KAT6A: variants seen among roughly 807,000 people sequenced by gnomAD.
The protein encoded by KAT6A is histone acetyltransferase KAT6A.
KAT6A carries 9 observed loss-of-function variants against 198.4 expected under a neutral mutation model. The ratio of observed to expected loss-of-function variants is 0.05; its 90% CI spans 0.03 to 0.08. The LOEUF (loss-of-function observed/expected upper bound fraction) is 0.08. Among genes scored for constraint, KAT6A ranks in the 10% least tolerant of loss-of-function variants. The probability of loss-of-function intolerance (pLI) is 1.00; values close to 1 mark genes in which losing one functional copy is unlikely to be tolerated. For synonymous variants in KAT6A, 890 were observed against 883.0 expected, an observed-to-expected ratio of 1.01 and a Z score of -0.14; for missense variants, 2,077 against 2,509.9, an observed-to-expected ratio of 0.83 and a Z score of 3.69.
chr8:42,022,040 C>T (rs145004468), intron 2 of KAT6A, among the ~76,000 whole-genome samples: 49 of 152,270 alleles, frequency 3.2e-4, no homozygotes, highest in African/African-American at 1.2e-3. Flanking sequence ...ATGACTCTAC[C>T]AGCATCTACA....
chr8:41,986,781 T>C (rs959630082), intron 3 of KAT6A, among the ~76,000 whole-genome samples: 17 of 152,160 alleles, frequency 1.1e-4, no homozygotes, highest in African/African-American at 3.9e-4. Flanking sequence ...CTCACATCTG[T>C]AATATCAGCA....
intron 2 of KAT6A, among the ~76,000 whole-genome samples, chr8:41,988,750 C>G (rs907128570): frequency 6.6e-6 from 1 of 152,172 alleles, no homozygotes; most frequent in African/African-American, 2.4e-5. Context: ...CTGTGCACAG[C>G]AAGTCATTTT....
In KAT6A at chr8:41,932,227, T is replaced by C. The variant is rs778809488; in HGVS notation, c.5993A>G (p.Asn1998Ser). ...TGCTCATCTTCTCATGTAAGGTCCG[T>C]TGAGTGACTGCTTGGGCACGCCAGC... ...NAAGVPKQSL[N>S]GPYMRR Residue 1998 changes from asparagine to serine, a missense_variant, in exon 17 of 17, where the codon AAC becomes AGC. Asn to Ser is a conservative substitution (Grantham distance 46). Coordinates refer to ENST00000265713, the MANE Select transcript of KAT6A (RefSeq NM_006766.5). The C allele has an allele frequency of 2.9e-5, 46 of 1,607,592 alleles. No homozygotes were observed. Among genetic ancestry groups the C allele is most frequent in the Non-Finnish European group, 3.7e-5 (44 of 1,176,626 alleles).
At chr8:41,961,095 T>G (rs1437924559) in intron 8 of KAT6A, among the ~76,000 whole-genome samples, 2 of 152,192 alleles carry the variant, frequency 1.3e-5, no homozygotes, top group Non-Finnish European at 2.9e-5. Context: ...GAAAGACAAC[T>G]GCACCCTTTC....
Position 41,942,856 on chromosome 8 carries a change from T to G in KAT6A, c.2373A>C (p.Glu791Asp), listed in dbSNP as rs201345009. Reference protein sequence around the residue: ...VSNSVVSEEEEEEAEEGENEE... With the variant: ...VSNSVVSEEEDEEAEEGENEE... ...CGTTTTCTCCTTCCTCAGCCTCCTC[T>G]TCTTCCTCCTCTGAGACCACAGAGT... is the stretch of plus-strand genomic sequence containing the variant. The change falls in exon 14 of 17, where the codon GAA becomes GAC. Residue 791 changes from glutamate to aspartate, a missense_variant. Glu to Asp is a conservative substitution (Grantham distance 45, BLOSUM62 2). This residue lies in a region of KAT6A where 301 missense variants were observed against 272.2 expected (regional missense o/e 1.11). Coordinates refer to ENST00000265713, the MANE Select transcript of KAT6A (RefSeq NM_006766.5). 473 of 1,614,200 alleles carry G rather than the reference T, an allele frequency of 2.9e-4. 1 individual carries two copies. In the Admixed American group the frequency reaches 7.6e-3, roughly 26 times the overall value.
At chr8:42,028,748 C>G (rs542234013) in intron 2 of KAT6A, among the ~76,000 whole-genome samples, 30 of 152,230 alleles carry the variant, frequency 2.0e-4, no homozygotes, top group African/African-American at 6.7e-4. Context: ...GAAGACTTAT[C>G]CTGTATTTTG....
intron 8 of KAT6A, among the ~76,000 whole-genome samples, chr8:41,968,148 T>C (rs1052158461): frequency 2.6e-5 from 4 of 152,112 alleles, no homozygotes; most frequent in African/African-American, 9.7e-5. Context: ...CTAAAGAGCT[T>C]CTGCACAGCA....
At chr8:41,959,630 A>T (rs183948550) in intron 8 of KAT6A, among the ~76,000 whole-genome samples, 72 of 152,370 alleles carry the variant, frequency 4.7e-4, no homozygotes, top group African/African-American at 1.6e-3. Flanking sequence ...CAAATGTGGT[A>T]CATACGTACA....
At chr8:41,949,055 A>T (rs1822540414) in intron 10 of KAT6A, among the ~76,000 whole-genome samples, 167 bp downstream of exon 10, 1 of 152,250 alleles carries the variant, frequency 6.6e-6, no homozygotes, top group Non-Finnish European at 1.5e-5. Context: ...ATATATGCAA[A>T]ATCAACTGGC....
At chr8:42,006,277 CAT>C (rs1203744425) in intron 2 of KAT6A, among the ~76,000 whole-genome samples, 1 of 152,132 alleles carries the variant, frequency 6.6e-6, no homozygotes, top group Non-Finnish European at 1.5e-5. Context: ...TGCAGGTGCA[CAT>C]GTGTGTACAC....
chr8:41,976,043 C>A (rs1267037416), intron 7 of KAT6A, among the ~76,000 whole-genome samples: 1 of 152,192 alleles, frequency 6.6e-6, no homozygotes, highest in Non-Finnish European at 1.5e-5. Flanking sequence ...TTGATCATCA[C>A]TATGGTAAAA....
intron 9 of KAT6A, among the ~76,000 whole-genome samples, chr8:41,953,394 C>A (rs952205258): frequency 5.3e-5 from 8 of 152,306 alleles, no homozygotes; most frequent in Admixed American, 4.6e-4. Context: ...GTGATTTGGG[C>A]AGCTTGCAAA....
chr8:41,944,489 A>G (rs780552369), intron 12 of KAT6A, among the ~76,000 whole-genome samples: 13 of 152,252 alleles, frequency 8.5e-5, no homozygotes, highest in East Asian at 5.8e-4. Flanking sequence ...GACTGCCAAT[A>G]TAAGTGTGGA....
rs11542621 is a variant in KAT6A at position 41,930,929 on chromosome 8, G to C, written c.*1276C>G. On this transcript the variant is annotated 3_prime_UTR_variant, in exon 17 of 17. Coordinates refer to ENST00000265713, the MANE Select transcript of KAT6A (RefSeq NM_006766.5). ...CTTCTCATTAGCCACTCACAGGAGA[G>C]GTGCTTGTGCACTCTGATTCACAGG... is the stretch of plus-strand genomic sequence containing the variant. The C allele has an allele frequency of 1.4e-5, 3 of 209,566 alleles. No homozygotes were observed. Among genetic ancestry groups the C allele is most frequent in the Non-Finnish European group, 2.9e-5 (3 of 103,240 alleles). The allele number at this position is 209,566 out of a possible 1,614,324, so 13.0% of individuals were successfully genotyped here.
intron 2 of KAT6A, among the ~76,000 whole-genome samples, chr8:42,002,459 G>T (rs976463156): frequency 2.0e-5 from 3 of 152,178 alleles, no homozygotes; most frequent in Non-Finnish European, 2.9e-5. Context: ...TACTCGGGAG[G>T]CTGAAGCACG....
At position 41,934,633 on chromosome 8, in the gene KAT6A, G is replaced by C. The variant is rs1821758157; in HGVS notation, c.3587C>G (p.Pro1196Arg). 12 of 1,614,086 alleles carry C rather than the reference G, an allele frequency of 7.4e-6. No individual in the cohort carries two copies. Among genetic ancestry groups the C allele is most frequent in the Non-Finnish European group, 1.0e-5 (12 of 1,180,038 alleles). The change falls in exon 17 of 17, where the codon CCT becomes CGT. Residue 1196 changes from proline to arginine, a missense_variant. By Grantham distance (103) the Pro-to-Arg change is moderately radical. Around this residue, in one of 13 missense-constraint regions of KAT6A, gnomAD observed 375 missense variants for 383.0 expected, o/e 0.98. Coordinates refer to ENST00000265713, the MANE Select transcript of KAT6A (RefSeq NM_006766.5). The stretch of plus-strand genomic sequence containing the variant: ...GATCTTGGGTTTACGTCCAGCTTTA[G>C]GAATGGAAACGATGGGCTCAATGAC... Reference protein sequence around the residue: ...ACVIEPIVSIPKAGRKPKIQE... With the variant: ...ACVIEPIVSIRKAGRKPKIQE...
At chr8:41,957,114 T>C in intron 8 of KAT6A, 1 of 604,760 alleles carries the variant, frequency 1.7e-6, no homozygotes, top group South Asian at 1.4e-5. Flanking sequence ...TCTAGGCGGA[T>C]GCCCGATGTG....
intron 8 of KAT6A, chr8:41,957,317 G>A (rs1437517977): frequency 5.4e-6 from 3 of 559,562 alleles, no homozygotes; most frequent in South Asian, 2.8e-5. Flanking sequence ...AGCCTCCACA[G>A]CAAGGGTGTT....
chr8:42,046,697 C>A (rs1214364857), intron 2 of KAT6A, among the ~76,000 whole-genome samples: 1 of 152,152 alleles, frequency 6.6e-6, no homozygotes, highest in African/African-American at 2.4e-5. Context: ...TATTTAAATT[C>A]AGCCACATGT....
Sources: gnomAD v4.1 joint callset for allele counts (sites outside exome capture counted in the v4.1 genomes callset) on GRCh38, gnomAD v4.1.1 for gene constraint, gnomAD v4.1.1 regional missense constraint, MANE v1.5 for transcripts, NCBI Gene and HGNC (gene_info 2026-07-23, HGNC 2026-07-21) for gene names.